Variants in GNA14 observed in about 807,000 individuals in gnomAD.
GNA14 encodes G protein subunit alpha 14.
In GNA14, 50 loss-of-function variants were observed where a neutral mutation model predicts 42.0. The ratio of observed to expected loss-of-function variants is 1.19; its 90% CI spans 0.95 to 1.51. The LOEUF (loss-of-function observed/expected upper bound fraction) is 1.51, where lower values mean the gene tolerates loss of function less well. Ranked by LOEUF, GNA14 falls within the 40% of genes most tolerant of loss-of-function variation. The pLI is 0.00. For synonymous variants in GNA14, 173 were observed against 163.1 expected (o/e 1.06, Z -0.46); for missense variants, 473 against 446.2 (o/e 1.06, Z -0.54).
intron 2 of GNA14, among the ~76,000 whole-genome samples, chr9:77,480,065 T>C (rs1836515568): frequency 6.6e-6 from 1 of 152,202 alleles, no homozygotes; most frequent in Non-Finnish European, 1.5e-5. Flanking sequence ...CTGATTGCCC[T>C]GGCCAGAACT....
chr9:77,564,145 C>T (rs1003972805), intron 1 of GNA14, among the ~76,000 whole-genome samples: 3 of 152,082 alleles, frequency 2.0e-5, no homozygotes, highest in African/African-American at 7.2e-5. Context: ...TGGGAGTCTA[C>T]TGGTAATTGT....
intron 1 of GNA14, among the ~76,000 whole-genome samples, chr9:77,608,153 A>T (rs1169853793): frequency 6.6e-6 from 1 of 152,192 alleles, no homozygotes. Context: ...ACCAAAGAAG[A>T]TTATTCTTAA....
chr9:77,647,821 G>A lies in GNA14; in HGVS notation c.-28C>T, dbSNP rs766957756. On this transcript the variant is annotated 5_prime_UTR_variant, in exon 1 of 7. Transcript: ENST00000341700. ...TGCGCTCAGCTCAGTACCCGACGGG[G>A]CGACGCGGCCCCGGGCACCCGAATC... The A allele has an allele frequency of 3.8e-6, 6 of 1,597,932 alleles. No individual in the cohort carries two copies. The African/African-American group carries it at 4.0e-5, about 11-fold the overall frequency.
chr9:77,462,136 C>T (rs759012844), intron 2 of GNA14, among the ~76,000 whole-genome samples: 9 of 152,118 alleles, frequency 5.9e-5, no homozygotes, highest in Admixed American at 1.3e-4. Flanking sequence ...TCTTGACTAC[C>T]GAGAAGTAAA....
chr9:77,603,424 A>C (rs1180803342), intron 1 of GNA14, among the ~76,000 whole-genome samples: 1 of 152,154 alleles, frequency 6.6e-6, no homozygotes, highest in East Asian at 1.9e-4. Context: ...TTTAGGAATG[A>C]AGAGTTCCAG....
At chr9:77,541,716 G>T (rs527347945) in intron 1 of GNA14, among the ~76,000 whole-genome samples, 2 of 151,958 alleles carry the variant, frequency 1.3e-5, no homozygotes, top group Admixed American at 6.5e-5. Flanking sequence ...ATGTCACAAA[G>T]GCTTTGCACT....
chr9:77,646,995 G>T (rs1221376373), intron 1 of GNA14, among the ~76,000 whole-genome samples: 1 of 152,206 alleles, frequency 6.6e-6, no homozygotes, highest in African/African-American at 2.4e-5. Flanking sequence ...GGGAGGTTTG[G>T]GTCCGCTGCA....
At chr9:77,426,653 C>A (rs1044590615) in intron 5 of GNA14, among the ~76,000 whole-genome samples, 4 of 152,128 alleles carry the variant, frequency 2.6e-5, no homozygotes, top group African/African-American at 4.8e-5. Flanking sequence ...ATAGTGGGAC[C>A]TGGGGAAGGT....
intron 2 of GNA14, among the ~76,000 whole-genome samples, chr9:77,484,230 T>C (rs948874801): frequency 6.6e-6 from 1 of 152,140 alleles, no homozygotes; most frequent in African/African-American, 2.4e-5. Context: ...GAGCTTAAAG[T>C]GAAACATATC....
rs576874847 is a variant in GNA14, at chr9:77,641,467, G to A, written c.124+6203C>T. 1.1e-4 allele frequency among the ~76,000 whole-genome samples: 17 copies of A among 151,580 alleles called. No individual in the cohort carries two copies. The South Asian group carries it at 1.7e-3, about 15-fold the overall frequency. On this transcript the variant is annotated intron_variant, in intron 1 of 6. Transcript: ENST00000341700. ...TGGTGTGCCTCCAGATGCCACCCCC[G>A]AGAAGGACACAACAGCACGTATCCA...
intron 1 of GNA14, 131 bp from the exon 2 acceptor site, chr9:77,529,384 T>G (rs1009792131): frequency 1.3e-6 from 1 of 743,334 alleles, no homozygotes; most frequent in Non-Finnish European, 2.3e-6. Flanking sequence ...TGGAAGGGAC[T>G]GCCAAATGGT....
At chr9:77,438,236 G>A (rs1423924111) in intron 2 of GNA14, among the ~76,000 whole-genome samples, 1 of 151,896 alleles carries the variant, frequency 6.6e-6, no homozygotes, top group Admixed American at 6.6e-5. Flanking sequence ...CAAGTTCGGA[G>A]GTCACTACCT....
At position 77,558,201 on chromosome 9, in the gene GNA14, G is replaced by T. The variant is rs577308128; in HGVS notation, c.125-28948C>A. Among the ~76,000 whole-genome samples the T allele has an allele frequency of 9.2e-5, 14 of 152,240 alleles. No individual in the cohort carries two copies. In the East Asian group the frequency reaches 2.5e-3, roughly 27 times the overall value. ...CAATGTATTTTGCTCATATAGAAGG[G>T]TTCTTAACAAAGAAGCATTTGGAGG... On this transcript the variant is annotated intron_variant, in intron 1 of 6. Transcript: ENST00000341700.
intron 2 of GNA14, among the ~76,000 whole-genome samples, chr9:77,525,717 T>G (rs1385848431): frequency 6.6e-6 from 1 of 151,248 alleles, no homozygotes; most frequent in Non-Finnish European, 1.5e-5. Flanking sequence ...TTTTTTTATT[T>G]TTAGTAGAGA....
At chr9:77,535,887 GTTTTGT>G (rs1370711567) in intron 1 of GNA14, among the ~76,000 whole-genome samples, 2 of 13,888 alleles carry the variant, frequency 1.4e-4, no homozygotes, top group Non-Finnish European at 2.3e-4. Context: ...CAGTTTAGTT[GTTTTGT>G]TTTTTTTTTT....
At chr9:77,599,369 G>C (rs1481773544) in intron 1 of GNA14, among the ~76,000 whole-genome samples, 1 of 152,166 alleles carries the variant, frequency 6.6e-6, no homozygotes, top group East Asian at 1.9e-4. Flanking sequence ...TTTGAATAGG[G>C]GGAAGGAGAA....
chr9:77,488,801 A>C (rs1335457814), intron 2 of GNA14, among the ~76,000 whole-genome samples: 3 of 150,860 alleles, frequency 2.0e-5, no homozygotes, highest in Non-Finnish European at 3.0e-5. Flanking sequence ...AAAAAAAAAA[A>C]AAAAAAAACA....
At chr9:77,432,744 AG>A in intron 3 of GNA14, among the ~76,000 whole-genome samples, 1 of 152,248 alleles carries the variant, frequency 6.6e-6, no homozygotes, top group South Asian at 2.1e-4. Context: ...CATGGTTTTC[AG>A]GGTTACACTG....
chr9:77,581,680 C>T (rs570209260), intron 1 of GNA14, among the ~76,000 whole-genome samples: 1 of 152,150 alleles, frequency 6.6e-6, no homozygotes, highest in Non-Finnish European at 1.5e-5. Flanking sequence ...ATAAACAAGG[C>T]AGGTCACTGA....
Sources: gnomAD v4.1 joint callset for allele counts (sites outside exome capture counted in the v4.1 genomes callset) on GRCh38, gnomAD v4.1.1 for gene constraint, MANE v1.5 for transcripts, NCBI Gene and HGNC (gene_info 2026-07-23, HGNC 2026-07-21) for gene names.